The following DOCK4 variants were observed in gnomAD, a reference collection of about 807,000 sequenced individuals.
DOCK4 encodes the protein dedicator of cytokinesis protein 4.
In DOCK4, 97 loss-of-function variants were observed where a neutral mutation model predicts 268.1. The ratio of observed to expected loss-of-function variants is 0.36; its 90% confidence interval spans 0.31 to 0.43. DOCK4 has a LOEUF of 0.43. Among genes scored for constraint, DOCK4 ranks in the 20% least tolerant of loss-of-function variants. The probability of loss-of-function intolerance (pLI) is 1.00; values close to 1 mark genes in which losing one functional copy is unlikely to be tolerated. For missense variants in DOCK4, 2,145 were observed against 2,455.7 expected (o/e 0.87, Z 2.67); for synonymous variants, 954 against 887.2 (o/e 1.08, Z -1.34).
chr7:112,025,286 A>G (rs1050578215), intron 1 of DOCK4, among the ~76,000 whole-genome samples: 8 of 152,084 alleles, frequency 5.3e-5, no homozygotes, highest in African/African-American at 7.2e-5. Flanking sequence ...TGAGCTTCCA[A>G]TTAGGCTCTA....
intron 16 of DOCK4, among the ~76,000 whole-genome samples, chr7:111,893,909 T>C (rs951310622): frequency 1.1e-4 from 16 of 152,302 alleles, no homozygotes; most frequent in Non-Finnish European, 1.6e-4. Flanking sequence ...CAATGAAATA[T>C]ACATTCTATA....
At chr7:112,004,916 G>A (rs1433544821) in intron 1 of DOCK4, among the ~76,000 whole-genome samples, 8 of 152,246 alleles carry the variant, frequency 5.3e-5, no homozygotes, top group Non-Finnish European at 7.4e-5. Context: ...GAGAAAGTAC[G>A]CACAGATTAG....
At chr7:112,072,768 A>G (rs1807712453) in intron 1 of DOCK4, among the ~76,000 whole-genome samples, 1 of 152,200 alleles carries the variant, frequency 6.6e-6, no homozygotes, top group Non-Finnish European at 1.5e-5. Context: ...CAGCTTCCTG[A>G]TAAGATCTCA....
At chr7:111,957,106 G>A (rs1253293753) in intron 8 of DOCK4, among the ~76,000 whole-genome samples, 2 of 152,124 alleles carry the variant, frequency 1.3e-5, no homozygotes, top group Non-Finnish European at 2.9e-5. Context: ...TAATGCTTAT[G>A]AGAACAGGTA....
At chr7:112,000,215 T>C (rs192045000) in intron 3 of DOCK4, among the ~76,000 whole-genome samples, 6 of 152,284 alleles carry the variant, frequency 3.9e-5, no homozygotes, top group African/African-American at 1.2e-4. Context: ...AATTTAGCTC[T>C]CTGAGAAACT....
At chr7:112,054,464 A>G (rs1249041240) in intron 1 of DOCK4, among the ~76,000 whole-genome samples, 22 of 152,168 alleles carry the variant, frequency 1.4e-4, no homozygotes, top group African/African-American at 5.3e-4. Flanking sequence ...CTGACCTTGT[A>G]GCCAAAGACA....
rs568532898 is a variant in DOCK4, at chr7:111,950,404, A to G, written c.702-4606T>C. Reference sequence around the variant, plus strand: ...TGTAAACTTAAAAAATGTCCTTCCAAGATATGCATACCTCCATTACATACA... The same window carrying G: ...TGTAAACTTAAAAAATGTCCTTCCAGGATATGCATACCTCCATTACATACA... On this transcript the variant is annotated intron_variant, in intron 8 of 52. Transcript: ENST00000428084. 7.2e-5 allele frequency among the ~76,000 whole-genome samples: 11 copies of G among 152,358 alleles called. No individual in the cohort carries two copies. The East Asian group carries it at 1.3e-3, about 19-fold the overall frequency.
At chr7:111,730,172 G>A (rs1306848012) in intron 52 of DOCK4, among the ~76,000 whole-genome samples, 3 of 152,180 alleles carry the variant, frequency 2.0e-5, no homozygotes. Flanking sequence ...GTATCCCAAG[G>A]AAAACGAGTC....
chr7:112,115,652 C>CCAT (rs58821451), intron 1 of DOCK4, among the ~76,000 whole-genome samples: 71,299 of 149,882 alleles, frequency 0.48, 18,367 homozygotes, highest in African/African-American at 0.69. Flanking sequence ...CATCCATCCA[C>CCAT]CCATCCATCC....
At chr7:112,009,213 G>C (rs572972036) in intron 1 of DOCK4, among the ~76,000 whole-genome samples, 2 of 152,292 alleles carry the variant, frequency 1.3e-5, no homozygotes, top group East Asian at 1.9e-4. Context: ...AAAATGCTTT[G>C]TCTTTTGTGA....
chr7:111,937,518 A>C (rs941146869), intron 11 of DOCK4, among the ~76,000 whole-genome samples: 1 of 152,178 alleles, frequency 6.6e-6, no homozygotes, highest in Non-Finnish European at 1.5e-5. Context: ...TGGAATGCAT[A>C]GGTCTTATTC....
intron 1 of DOCK4, among the ~76,000 whole-genome samples, chr7:112,037,979 G>A (rs1315276904): frequency 1.3e-5 from 2 of 152,084 alleles, no homozygotes; most frequent in African/African-American, 2.4e-5. Context: ...AATTTTTTAT[G>A]ATAAAATTAA....
chr7:111,886,803 A>G (rs1392694808), intron 16 of DOCK4, among the ~76,000 whole-genome samples: 1 of 152,200 alleles, frequency 6.6e-6, no homozygotes, highest in Non-Finnish European at 1.5e-5. Context: ...AATTGTACCC[A>G]GATTAATTTA....
intron 1 of DOCK4, among the ~76,000 whole-genome samples, chr7:112,076,444 G>A (rs1480018993): frequency 3.3e-5 from 5 of 152,012 alleles, no homozygotes; most frequent in African/African-American, 1.2e-4. Flanking sequence ...AACAGATGAG[G>A]AAAGCTTAGA....
At chr7:111,998,062 G>A (rs1800109894) in intron 4 of DOCK4, among the ~76,000 whole-genome samples, 1 of 152,174 alleles carries the variant, frequency 6.6e-6, no homozygotes, top group African/African-American at 2.4e-5. Flanking sequence ...GACACACTAT[G>A]CATCTTAGAA....
intron 50 of DOCK4, among the ~76,000 whole-genome samples, chr7:111,736,495 T>C (rs1312505259): frequency 6.6e-6 from 1 of 152,194 alleles, no homozygotes; most frequent in Non-Finnish European, 1.5e-5. Context: ...AAGAGCCGTA[T>C]CTGAGTCACA....
chr7:111,784,993 T>C, intron 32 of DOCK4, among the ~76,000 whole-genome samples: 1 of 152,332 alleles, frequency 6.6e-6, no homozygotes, highest in East Asian at 1.9e-4. Flanking sequence ...AAAGCTGTTT[T>C]GTCAAAGCTT....
chr7:111,737,035 T>G (rs1490103931), intron 49 of DOCK4, 46 bp from the exon 50 acceptor site: 1 of 1,521,736 alleles, frequency 6.6e-7, no homozygotes, highest in Non-Finnish European at 8.9e-7. Context: ...TATACGGGCA[T>G]GTGAAACCTT....
intron 20 of DOCK4, among the ~76,000 whole-genome samples, chr7:111,870,206 G>A (rs938557221): frequency 2.6e-5 from 4 of 151,854 alleles, no homozygotes; most frequent in African/African-American, 9.7e-5. Flanking sequence ...AAAGGCCAAG[G>A]TAATTTTTTT....
Sources: gnomAD v4.1 joint callset for allele counts (sites outside exome capture counted in the v4.1 genomes callset) on GRCh38, gnomAD v4.1.1 for gene constraint, MANE v1.5 for transcripts, NCBI Gene and HGNC (gene_info 2026-07-23, HGNC 2026-07-21) for gene names.